The following FSHR variants were observed in gnomAD, a reference collection of about 807,000 sequenced individuals.
FSHR encodes follicle-stimulating hormone receptor.
Under a neutral mutation model 52.1 loss-of-function variants are expected in FSHR, and 46 were observed. That is an observed-to-expected ratio of 0.88 (90% CI 0.70 to 1.13). The LOEUF (loss-of-function observed/expected upper bound fraction) is 1.13. FSHR is among the 50% of genes most tolerant of loss of function. FSHR has a pLI of 0.00. For missense variants in FSHR, 964 were observed against 834.6 expected (o/e 1.16, Z -1.91); for synonymous variants, 399 against 309.6 (o/e 1.29, Z -3.03).
chr2:49,120,636 C>T (rs925300375), intron 1 of FSHR, among the ~76,000 whole-genome samples: 2 of 152,170 alleles, frequency 1.3e-5, no homozygotes, highest in African/African-American at 4.8e-5. Context: ...ATAGGGCAGA[C>T]CTGGAGCTAG....
intron 1 of FSHR, among the ~76,000 whole-genome samples, chr2:49,147,117 A>T (rs1044958294): frequency 1.2e-4 from 18 of 152,254 alleles, no homozygotes; most frequent in South Asian, 8.3e-4. Context: ...AGCCTATTTC[A>T]TACGAAAGAA....
chr2:49,073,585 C>T (rs1669834318), intron 1 of FSHR, among the ~76,000 whole-genome samples: 1 of 151,876 alleles, frequency 6.6e-6, no homozygotes, highest in Admixed American at 6.6e-5. Flanking sequence ...GTTCATGGAT[C>T]AGAATAATTA....
intron 4 of FSHR, among the ~76,000 whole-genome samples, chr2:48,998,250 A>T (rs1676111843): frequency 6.6e-6 from 1 of 152,058 alleles, no homozygotes; most frequent in Non-Finnish European, 1.5e-5. Flanking sequence ...TGTCTTTTTA[A>T]GTGAAAGGTG....
rs200144377 is a variant in FSHR at position 48,963,157 on chromosome 2, G to A, written c.1664C>T (p.Thr555Ile). ...GGACACGATGTTGGGGTTCCGCACTGTGAGGTAGATGTGGATATAGCAGCC... is the reference window on the plus strand; with the variant it reads ...GGACACGATGTTGGGGTTCCGCACTATGAGGTAGATGTGGATATAGCAGCC... ...ICGCYIHIYL[T>I]VRNPNIVSSS... is the part of the protein sequence containing the mutation. Residue 555 changes from threonine (T) to isoleucine (I), a missense_variant, in exon 10 of 10, where the codon ACA (threonine) becomes ATA (isoleucine). By Grantham distance (89) the Thr-to-Ile change is moderately conservative. Transcript: ENST00000406846. The A allele has an allele frequency of 1.7e-5, 27 of 1,614,044 alleles. No homozygotes were observed. The highest frequency in any genetic ancestry group is 2.2e-5 in the Non-Finnish European group (26 of 1,180,028).
chr2:49,100,957 G>T (rs533592120), intron 1 of FSHR, among the ~76,000 whole-genome samples: 2 of 152,134 alleles, frequency 1.3e-5, no homozygotes, highest in Non-Finnish European at 2.9e-5. Flanking sequence ...AGAAATCAAA[G>T]GAAGTAGAGA....
intron 1 of FSHR, among the ~76,000 whole-genome samples, chr2:49,127,751 T>TTTCTTCTTCTTCTTCTTC (rs1345639633): frequency 1.3e-5 from 1 of 77,524 alleles, no homozygotes; most frequent in Admixed American, 1.4e-4. Flanking sequence ...CTTCTTCTTC[T>TTTCTTCTTCTTCTTCTTC]TTCTTCTTCT....
At chr2:49,062,178 A>G (rs1369279005) in intron 2 of FSHR, among the ~76,000 whole-genome samples, 6 of 152,160 alleles carry the variant, frequency 3.9e-5, no homozygotes, top group Admixed American at 3.9e-4. Context: ...AAAATATACT[A>G]CAAAGCTATA....
At chr2:49,049,066 TA>T (rs570731084) in intron 2 of FSHR, among the ~76,000 whole-genome samples, 53 of 147,744 alleles carry the variant, frequency 3.6e-4, no homozygotes, top group African/African-American at 5.5e-4. Context: ...CACCATCTAT[TA>T]AAAAAAAAAG....
intron 2 of FSHR, among the ~76,000 whole-genome samples, chr2:49,033,284 G>C (rs561150406): frequency 6.6e-6 from 1 of 152,284 alleles, no homozygotes; most frequent in East Asian, 1.9e-4. Context: ...AGTTGAGTGT[G>C]ATTTTTTTTC....
chr2:48,997,046 T>G (rs533609607), intron 4 of FSHR: 1 of 156,634 alleles, frequency 6.4e-6, no homozygotes, highest in Non-Finnish European at 1.4e-5. Flanking sequence ...CTAGGTATAG[T>G]ATCACAGAAT....
intron 1 of FSHR, among the ~76,000 whole-genome samples, chr2:49,144,141 G>T (rs551603462): frequency 6.6e-6 from 1 of 152,082 alleles, no homozygotes; most frequent in African/African-American, 2.4e-5. Context: ...CAGAATGCTG[G>T]TAGTCAGGAC....
At chr2:49,109,652 C>T (rs922794207) in intron 1 of FSHR, among the ~76,000 whole-genome samples, 2 of 152,042 alleles carry the variant, frequency 1.3e-5, no homozygotes, top group Admixed American at 6.6e-5. Flanking sequence ...AAAGAGGCAG[C>T]CACCTGCCAT....
At chr2:49,064,326 A>G (rs999526784) in intron 2 of FSHR, among the ~76,000 whole-genome samples, 3 of 102,390 alleles carry the variant, frequency 2.9e-5, no homozygotes, top group African/African-American at 7.9e-5. Flanking sequence ...GCCTTTTGAG[A>G]GTGGTTTAGG....
chr2:49,039,942 C>T (rs116485743), intron 2 of FSHR, among the ~76,000 whole-genome samples: 1,528 of 150,796 alleles, frequency 0.01, 29 homozygotes, highest in African/African-American at 0.035. Context: ...TTTTCTATAG[C>T]AGGCATGTAT....
chr2:49,066,501 G>T (rs942196289), intron 2 of FSHR, among the ~76,000 whole-genome samples: 11 of 152,134 alleles, frequency 7.2e-5, no homozygotes, highest in African/African-American at 2.6e-4. Flanking sequence ...TGGGCCCTCT[G>T]CTAGAAAATG....
At position 48,989,072 on chromosome 2, in the gene FSHR, C is replaced by G; in HGVS notation, c.447-18G>C. ...GAATGTCACTAGAAGAAAGTACAGA[C>G]AAATAAGATACTTACATCAGCTCTA... On this transcript the variant is annotated intron_variant, in intron 5 of 9. Coordinates refer to ENST00000406846, the MANE Select transcript of FSHR (RefSeq NM_000145.4). 1 of 1,595,384 alleles carries G rather than the reference C, an allele frequency of 6.3e-7. No homozygotes were observed. The highest frequency in any genetic ancestry group is 2.2e-5 in the East Asian group (1 of 44,730).
chr2:49,052,118 C>A (rs1037663233), intron 2 of FSHR, among the ~76,000 whole-genome samples: 1 of 152,004 alleles, frequency 6.6e-6, no homozygotes, highest in Non-Finnish European at 1.5e-5. Flanking sequence ...ACATTTTAAA[C>A]AAAATATTAG....
chr2:49,059,449 G>C (rs1280407621), intron 2 of FSHR, among the ~76,000 whole-genome samples: 2 of 151,732 alleles, frequency 1.3e-5, no homozygotes, highest in African/African-American at 4.8e-5. Context: ...CAATGGAACA[G>C]AATAGAGAAT....
chr2:48,977,871 G>A (rs189976475), intron 8 of FSHR, among the ~76,000 whole-genome samples: 1 of 152,186 alleles, frequency 6.6e-6, no homozygotes, highest in East Asian at 1.9e-4. Flanking sequence ...GGCTGGACAA[G>A]CGGGGAGGGG....
Sources: allele counts gnomAD v4.1 joint callset (sites outside exome capture counted in the v4.1 genomes callset), GRCh38; gene constraint gnomAD v4.1.1; transcripts MANE v1.5; gene names NCBI Gene and HGNC (gene_info 2026-07-23, HGNC 2026-07-21).